Variants in ZNF469 observed in about 807,000 individuals in gnomAD.
ZNF469 encodes zinc finger protein 469.
Under a neutral mutation model 1.0 loss-of-function variants are expected in ZNF469, and 1 was observed. That is an observed-to-expected ratio of 1.00 (90% CI 0.35 to 4.73). The LOEUF (loss-of-function observed/expected upper bound fraction) is 4.73, where lower values mean the gene tolerates loss of function less well. Ranked by LOEUF, ZNF469 falls within the 30% of genes most tolerant of loss-of-function variation. The probability of loss-of-function intolerance (pLI) is 0.16; values close to 1 mark genes in which losing one functional copy is unlikely to be tolerated. For synonymous variants in ZNF469, 2,703 were observed against 2,363.4 expected, an observed-to-expected ratio of 1.14 and a Z score of -4.17; for missense variants, 6,100 against 5,356.3, an observed-to-expected ratio of 1.14 and a Z score of -4.33.
the ZNF469 span, among the ~76,000 whole-genome samples, chr16:88,304,571 G>A: frequency 6.6e-6 from 1 of 152,124 alleles, no homozygotes. Context: ...ACTCAGCTCA[G>A]GAATGTGCCT....
intron 1 of ZNF469, among the ~76,000 whole-genome samples, chr16:88,416,822 C>CAGG (rs1905314146): frequency 6.6e-6 from 1 of 152,078 alleles, no homozygotes; most frequent in Non-Finnish European, 1.5e-5. Flanking sequence ...AAGGGTCCTG[C>CAGG]AGGAAGTGGC....
At chr16:88,181,316 C>T in the ZNF469 span, among the ~76,000 whole-genome samples, 3 of 151,122 alleles carry the variant, frequency 2.0e-5, no homozygotes, top group East Asian at 2.0e-4. Flanking sequence ...GTGATCCACC[C>T]GCCTCGGCCT....
At chr16:88,201,510 G>A in the ZNF469 span, among the ~76,000 whole-genome samples, 1 of 152,154 alleles carries the variant, frequency 6.6e-6, no homozygotes, top group East Asian at 1.9e-4. The surrounding 1 kb of genome is among the most constrained non-coding windows in gnomAD (Gnocchi z 5.0). Flanking sequence ...AGCCGAGATT[G>A]TGCCACTGCA....
At chr16:88,202,917 C>T in the ZNF469 span, among the ~76,000 whole-genome samples, 3 of 152,260 alleles carry the variant, frequency 2.0e-5, no homozygotes, top group East Asian at 5.8e-4. Flanking sequence ...GAGGGAAGGG[C>T]CCTGAGCCGG....
the ZNF469 span, among the ~76,000 whole-genome samples, chr16:88,210,358 C>T: frequency 5.9e-5 from 9 of 151,626 alleles, no homozygotes; most frequent in Non-Finnish European, 7.4e-5. Flanking sequence ...GATTTCTTTG[C>T]GGTATTTTTT....
At position 88,428,902 on chromosome 16, in the gene ZNF469, C is replaced by G. The variant is rs1277913754; in HGVS notation, c.1432C>G (p.Gln478Glu). 1.3e-6 allele frequency: 2 copies of G among 1,547,054 alleles called. No individual in the cohort carries two copies. The highest frequency in any genetic ancestry group is 1.2e-5 in the South Asian group (1 of 83,940). ...PSPGQRLCLPQSAPLPWPQVL... is the reference protein window; with the variant it reads ...PSPGQRLCLPESAPLPWPQVL... ...CCCAGGCCAGCGGCTCTGCCTCCCCCAGAGTGCCCCCCTGCCTTGGCCCCA... is the reference window on the plus strand; with the variant it reads ...CCCAGGCCAGCGGCTCTGCCTCCCCGAGAGTGCCCCCCTGCCTTGGCCCCA... Residue 478 changes from glutamine to glutamate, a missense_variant, in exon 3 of 3, where the codon CAG becomes GAG. By Grantham distance (29) the Gln-to-Glu change is conservative. Coordinates refer to ENST00000565624, the MANE Select transcript of ZNF469 (RefSeq NM_001367624.2).
the ZNF469 span, among the ~76,000 whole-genome samples, chr16:88,314,415 T>C: frequency 7.1e-6 from 1 of 140,660 alleles, no homozygotes. Flanking sequence ...GATGCTGGTG[T>C]GGACTGTCAT....
the ZNF469 span, among the ~76,000 whole-genome samples, chr16:88,208,803 A>ACACACACACTCT: frequency 2.4e-5 from 3 of 123,562 alleles, no homozygotes; most frequent in Admixed American, 8.3e-5. Flanking sequence ...ACACACACAC[A>ACACACACACTCT]CTCTCTCTCT....
At chr16:88,325,097 C>T in the ZNF469 span, among the ~76,000 whole-genome samples, 43 of 150,946 alleles carry the variant, frequency 2.8e-4, no homozygotes, top group East Asian at 7.7e-4. Context: ...CATCCAGCTG[C>T]GGCATACTCA....
chr16:88,396,823 TCTGAAGGGAAGCCTGGAGGAGACCCTC>T (rs1904686509), intron 1 of ZNF469, among the ~76,000 whole-genome samples: 1 of 97,610 alleles, frequency 1.0e-5, no homozygotes, highest in Non-Finnish European at 2.0e-5. Context: ...CAGAGACCTG[TCTGAAGGGAAGCCTGGAGGAGACCCTC>T]CTGAAGGGAG....
intron 1 of ZNF469, among the ~76,000 whole-genome samples, chr16:88,404,901 G>A (rs916345877): frequency 2.0e-5 from 3 of 152,182 alleles, no homozygotes; most frequent in East Asian, 1.9e-4. Context: ...AGGACAGAAC[G>A]CAACTCCAAA....
intron 1 of ZNF469, among the ~76,000 whole-genome samples, chr16:88,388,338 C>G (rs980322863): frequency 2.6e-5 from 4 of 152,274 alleles, no homozygotes; most frequent in Non-Finnish European, 5.9e-5. Context: ...GTTCGCAGGG[C>G]CAGCATCCCA....
the ZNF469 span, among the ~76,000 whole-genome samples, chr16:88,285,816 G>C: frequency 6.6e-6 from 1 of 152,240 alleles, no homozygotes; most frequent in African/African-American, 2.4e-5. Flanking sequence ...GGCCACCCTC[G>C]TCACAGTGCA....
At chr16:88,323,426 C>A in the ZNF469 span, among the ~76,000 whole-genome samples, 509 of 152,346 alleles carry the variant, frequency 3.3e-3, 2 homozygotes, top group Non-Finnish European at 3.9e-3. Context: ...TTCTTCCTTC[C>A]CACTTCTCTG....
rs1457585754 is a variant in ZNF469, at chr16:88,436,467, C to A, written c.8997C>A (p.Gly2999=). The A allele has an allele frequency of 1.3e-6, 2 of 1,546,698 alleles. No homozygotes were observed. Among genetic ancestry groups the A allele is most frequent in the Non-Finnish European group, 1.7e-6 (2 of 1,146,952 alleles). ...ELHMVPAAWR[G]LEMPAPADDS... Reference sequence around the variant, plus strand: ...ACATGGTCCCAGCGGCTTGGCGAGGCCTGGAGATGCCGGCCCCTGCCGATG... The same window carrying A: ...ACATGGTCCCAGCGGCTTGGCGAGGACTGGAGATGCCGGCCCCTGCCGATG... Residue 2999 remains glycine, a synonymous_variant, in exon 3 of 3, where the codon GGC becomes GGA. Transcript: ENST00000565624.
the ZNF469 span, among the ~76,000 whole-genome samples, chr16:88,212,453 T>C: frequency 2.6e-5 from 4 of 152,368 alleles, no homozygotes; most frequent in East Asian, 7.7e-4. Flanking sequence ...TCTTCTTCAG[T>C]GGTATCCCTG....
the ZNF469 span, among the ~76,000 whole-genome samples, chr16:88,238,032 G>T: frequency 3.3e-5 from 5 of 152,186 alleles, no homozygotes; most frequent in African/African-American, 1.2e-4. Flanking sequence ...ATATTCCATT[G>T]TCTGGAGGGA....
the ZNF469 span, among the ~76,000 whole-genome samples, chr16:88,334,169 C>G: frequency 6.6e-6 from 1 of 152,104 alleles, no homozygotes; most frequent in Non-Finnish European, 1.5e-5. Flanking sequence ...AAGTCTTGCT[C>G]TGTGTTACAA....
At position 88,433,544 on chromosome 16, in the gene ZNF469, C is replaced by T. The variant is rs947719471; in HGVS notation, c.6074C>T (p.Ala2025Val). 9.7e-6 allele frequency: 15 copies of T among 1,549,166 alleles called. No individual in the cohort carries two copies. In the African/African-American group the frequency reaches 1.4e-4, roughly 14 times the overall value. ...HASVNASPKT[A>V]LTGPTEGAVL... is the part of the protein sequence containing the mutation. ...TCAGTCAATGCCAGTCCCAAAACAGCGCTGACCGGCCCCACCGAGGGTGCA... is the reference window on the plus strand; with the variant it reads ...TCAGTCAATGCCAGTCCCAAAACAGTGCTGACCGGCCCCACCGAGGGTGCA... The change falls in exon 3 of 3, where the codon GCG becomes GTG. Residue 2025 changes from alanine (A) to valine (V), a missense_variant. Ala to Val is a moderately conservative substitution (Grantham distance 64). Transcript: ENST00000565624.
Sources: gnomAD v4.1 joint callset for allele counts (sites outside exome capture counted in the v4.1 genomes callset) on GRCh38, gnomAD v4.1.1 for gene constraint, Gnocchi (gnomAD v3.1) non-coding constraint, MANE v1.5 for transcripts, NCBI Gene and HGNC (gene_info 2026-07-23, HGNC 2026-07-21) for gene names.